CNOT4: variants seen among roughly 807,000 people sequenced by gnomAD.
The protein encoded by CNOT4 is CCR4-NOT transcription complex subunit 4.
A neutral mutation model predicts 73.8 loss-of-function variants in CNOT4; 8 were observed. The ratio of observed to expected loss-of-function variants is 0.11; its 90% confidence interval spans 0.06 to 0.20. The LOEUF is 0.20. Ranked by LOEUF, CNOT4 falls within the 10% of genes least tolerant of loss-of-function variation. CNOT4 has a pLI of 1.00. For synonymous variants in CNOT4, 293 were observed against 321.1 expected, an observed-to-expected ratio of 0.91 and a Z score of 0.94; for missense variants, 564 against 883.4, an observed-to-expected ratio of 0.64 and a Z score of 4.58.
At chr7:135,401,974 C>T (rs1247517726) in intron 7 of CNOT4, among the ~76,000 whole-genome samples, 1 of 152,128 alleles carries the variant, frequency 6.6e-6, no homozygotes, top group Non-Finnish European at 1.5e-5. Flanking sequence ...AAGATATTCC[C>T]AGAAGGCAAT....
At chr7:135,386,999 G>C in intron 10 of CNOT4, 2 of 732,994 alleles carry the variant, frequency 2.7e-6, no homozygotes, top group Non-Finnish European at 3.3e-6. Flanking sequence ...CTTTGAGCTA[G>C]TAAGCATCAT....
chr7:135,430,851 T>C (rs1798785455), intron 2 of CNOT4, among the ~76,000 whole-genome samples: 1 of 152,196 alleles, frequency 6.6e-6, no homozygotes, highest in South Asian at 2.1e-4. Flanking sequence ...ACATACTTAA[T>C]GATGTAATAC....
intron 2 of CNOT4, among the ~76,000 whole-genome samples, chr7:135,434,451 A>C (rs1799032971): frequency 6.6e-6 from 1 of 152,200 alleles, no homozygotes; most frequent in Non-Finnish European, 1.5e-5. Flanking sequence ...AAACCAAAAA[A>C]TTATTCCTGG....
At chr7:135,414,652 T>C (rs1234491560) in intron 4 of CNOT4, among the ~76,000 whole-genome samples, 2 of 152,070 alleles carry the variant, frequency 1.3e-5, no homozygotes, top group Non-Finnish European at 2.9e-5. Flanking sequence ...TACTGTAATA[T>C]ATGTGAATAA....
At chr7:135,460,637 A>G (rs149500249) in intron 1 of CNOT4, among the ~76,000 whole-genome samples, 14 of 152,306 alleles carry the variant, frequency 9.2e-5, no homozygotes, top group Admixed American at 2.0e-4. Flanking sequence ...TAACAGACAT[A>G]ATAATCATTA....
intron 3 of CNOT4, among the ~76,000 whole-genome samples, chr7:135,420,971 AT>A (rs1462895254): frequency 6.6e-6 from 1 of 152,144 alleles, no homozygotes; most frequent in Non-Finnish European, 1.5e-5. Flanking sequence ...AAAGAACTTG[AT>A]GTCCTGAGTA....
chr7:135,441,987 G>A (rs1188544777), intron 1 of CNOT4, among the ~76,000 whole-genome samples: 1 of 152,132 alleles, frequency 6.6e-6, no homozygotes, highest in East Asian at 1.9e-4. Context: ...ATGGTAAAAG[G>A]TAGGAGGAGG....
At chr7:135,499,935 G>A (rs936497469) in intron 1 of CNOT4, among the ~76,000 whole-genome samples, 3 of 152,162 alleles carry the variant, frequency 2.0e-5, no homozygotes, top group Middle Eastern at 3.4e-3. Flanking sequence ...CAGCACACAC[G>A]ATCAGCTAAA....
intron 1 of CNOT4, among the ~76,000 whole-genome samples, chr7:135,457,917 A>T (rs960355849): frequency 3.3e-4 from 50 of 152,122 alleles, no homozygotes; most frequent in African/African-American, 1.2e-3. Context: ...TGCAATCAAC[A>T]TTTCTCCTTT....
intron 10 of CNOT4, among the ~76,000 whole-genome samples, chr7:135,382,185 T>C (rs1795881308): frequency 6.6e-6 from 1 of 152,194 alleles, no homozygotes; most frequent in African/African-American, 2.4e-5. Context: ...ACTCGATTTC[T>C]CTATAACTCA....
intron 2 of CNOT4, among the ~76,000 whole-genome samples, chr7:135,431,778 C>G (rs940359961): frequency 9.2e-6 from 1 of 108,932 alleles, no homozygotes; most frequent in Non-Finnish European, 1.8e-5. Flanking sequence ...GGCCATAGCT[C>G]AAAAACATAA....
At chr7:135,431,940 C>T (rs905353469) in intron 2 of CNOT4, among the ~76,000 whole-genome samples, 1 of 152,134 alleles carries the variant, frequency 6.6e-6, no homozygotes, top group Non-Finnish European at 1.5e-5. Flanking sequence ...TCAAAATGAT[C>T]TAACTGTAGA....
chr7:135,487,288 A>G (rs1802786407), intron 1 of CNOT4, among the ~76,000 whole-genome samples: 1 of 151,904 alleles, frequency 6.6e-6, no homozygotes, highest in Non-Finnish European at 1.5e-5. Context: ...CCCAGGCTAG[A>G]GTGCAGTGAT....
intron 10 of CNOT4, among the ~76,000 whole-genome samples, chr7:135,389,529 TCTC>T (rs1469283457): frequency 1.3e-5 from 2 of 152,016 alleles, no homozygotes; most frequent in African/African-American, 4.8e-5. Flanking sequence ...TGAGATCGGT[TCTC>T]CTGATTATAA....
chr7:135,447,855 G>A (rs574724054), intron 1 of CNOT4, among the ~76,000 whole-genome samples: 15 of 152,304 alleles, frequency 9.8e-5, no homozygotes, highest in South Asian at 2.1e-4. Context: ...CAGTGACCTC[G>A]AGAGTCGTAT....
At chr7:135,489,391 C>CTTTTTT (rs71174525) in intron 1 of CNOT4, among the ~76,000 whole-genome samples, 132 of 84,714 alleles carry the variant, frequency 1.6e-3, no homozygotes, top group African/African-American at 2.4e-3. Context: ...AGTCACATTT[C>CTTTTTT]TTTTTTTTTT....
chr7:135,471,749 C>T (rs1563069910), intron 1 of CNOT4, among the ~76,000 whole-genome samples: 1 of 152,152 alleles, frequency 6.6e-6, no homozygotes, highest in Non-Finnish European at 1.5e-5. Flanking sequence ...TGTATTATTC[C>T]ATAAGTGTCT....
Position 135,438,346 on chromosome 7 carries a change from A to C in CNOT4, c.-15T>G. 6.3e-7 allele frequency: 1 copy of C among 1,577,338 alleles called. No homozygotes were observed. The highest frequency in any genetic ancestry group is 8.6e-7 in the Non-Finnish European group (1 of 1,161,832). On this transcript the variant is annotated 5_prime_UTR_variant, in exon 2 of 12. Coordinates refer to ENST00000541284, the MANE Select transcript of CNOT4 (RefSeq NM_001190850.2). ...CTGCGAGACATCTTCACGTTTATTAAACAGCAGCAAAAGTTTATAATAATT... is the reference window on the plus strand; with the variant it reads ...CTGCGAGACATCTTCACGTTTATTACACAGCAGCAAAAGTTTATAATAATT...
At chr7:135,477,343 C>CA (rs397780678) in intron 1 of CNOT4, among the ~76,000 whole-genome samples, 43,097 of 137,498 alleles carry the variant, frequency 0.31, 6,522 homozygotes, top group East Asian at 0.53. Context: ...ACTCTTGTCT[C>CA]AAAAAAAAAA....
Sources: allele counts gnomAD v4.1 joint callset (sites outside exome capture counted in the v4.1 genomes callset), GRCh38; gene constraint gnomAD v4.1.1; transcripts MANE v1.5; gene names NCBI Gene and HGNC (gene_info 2026-07-23, HGNC 2026-07-21).